The following SHISA9 variants were observed in gnomAD, a reference collection of about 807,000 sequenced individuals.
The protein encoded by SHISA9 is shisa family member 9.
Under a neutral mutation model 38.0 loss-of-function variants are expected in SHISA9, and 13 were observed. That is an observed-to-expected ratio of 0.34 (90% CI 0.22 to 0.54). SHISA9 has a LOEUF of 0.54. Among genes scored for constraint, SHISA9 ranks in the 20% least tolerant of loss-of-function variants. The pLI is 0.91. For synonymous variants in SHISA9, 275 were observed against 242.0 expected, an observed-to-expected ratio of 1.14 and a Z score of -1.27; for missense variants, 538 against 575.8, an observed-to-expected ratio of 0.93 and a Z score of 0.67.
the SHISA9 span, among the ~76,000 whole-genome samples, chr16:13,394,340 A>C: frequency 6.6e-6 from 1 of 152,208 alleles, no homozygotes; most frequent in Non-Finnish European, 1.5e-5. Context: ...GGTCTTTGCT[A>C]TGCAGAATTA....
chr16:12,915,099 A>C (rs2071237180), intron 1 of SHISA9, among the ~76,000 whole-genome samples: 1 of 152,178 alleles, frequency 6.6e-6, no homozygotes. Context: ...ATATCCCCAA[A>C]CACGGCAATT....
At chr16:13,452,587 C>T in the SHISA9 span, among the ~76,000 whole-genome samples, 1 of 152,192 alleles carries the variant, frequency 6.6e-6, no homozygotes, top group Non-Finnish European at 1.5e-5. Flanking sequence ...GTGTTAGTCT[C>T]TGCATCCTCT....
At chr16:13,042,031 C>T (rs1004008687) in intron 2 of SHISA9, among the ~76,000 whole-genome samples, 4 of 152,186 alleles carry the variant, frequency 2.6e-5, no homozygotes, top group Admixed American at 1.3e-4. Context: ...GGGATTGTAG[C>T]AGCTGGCTAA....
At chr16:13,234,988 T>C (rs1368674950) in intron 4 of SHISA9, 42 bp from the exon 5 acceptor site, 17 of 1,453,304 alleles carry the variant, frequency 1.2e-5, no homozygotes, top group African/African-American at 4.4e-5. Flanking sequence ...CTCTCTCTCT[T>C]CTCTTTCTTC....
chr16:13,335,502 G>A, the SHISA9 span, among the ~76,000 whole-genome samples: 1 of 152,136 alleles, frequency 6.6e-6, no homozygotes, highest in Non-Finnish European at 1.5e-5. Context: ...AGAATGAAAA[G>A]GAATATGCTG....
At chr16:13,388,927 T>C in the SHISA9 span, among the ~76,000 whole-genome samples, 2 of 152,138 alleles carry the variant, frequency 1.3e-5, no homozygotes, top group Non-Finnish European at 2.9e-5. Flanking sequence ...ATAGACATTA[T>C]TTTTTGGAGT....
chr16:13,305,101 C>A, the SHISA9 span, among the ~76,000 whole-genome samples: 3 of 152,208 alleles, frequency 2.0e-5, no homozygotes, highest in Non-Finnish European at 2.9e-5. Context: ...AATGAGATAT[C>A]TTGGGGATGG....
intron 2 of SHISA9, among the ~76,000 whole-genome samples, chr16:13,186,209 A>G (rs1018127354): frequency 2.0e-5 from 3 of 151,366 alleles, no homozygotes; most frequent in Admixed American, 2.0e-4. Context: ...CATGTATGTG[A>G]AGCACATTGT....
At chr16:13,418,378 T>C in the SHISA9 span, among the ~76,000 whole-genome samples, 2 of 152,132 alleles carry the variant, frequency 1.3e-5, no homozygotes, top group African/African-American at 4.8e-5. Flanking sequence ...CTGGAGATGG[T>C]TGGAATGGCT....
the SHISA9 span, among the ~76,000 whole-genome samples, chr16:13,412,772 A>C: frequency 6.6e-6 from 1 of 152,160 alleles, no homozygotes; most frequent in Admixed American, 6.5e-5. Context: ...TAGGAGGATC[A>C]CTTTAGCCCG....
At chr16:13,501,335 G>A in the SHISA9 span, among the ~76,000 whole-genome samples, 8 of 152,126 alleles carry the variant, frequency 5.3e-5, no homozygotes, top group Admixed American at 2.6e-4. Flanking sequence ...GAACATATGT[G>A]TGAAAACAGA....
At chr16:13,135,873 G>A (rs1236755700) in intron 2 of SHISA9, among the ~76,000 whole-genome samples, 1 of 152,088 alleles carries the variant, frequency 6.6e-6, no homozygotes, top group Non-Finnish European at 1.5e-5. Flanking sequence ...GTTGCTTAAG[G>A]GTTTTGTGCT....
the SHISA9 span, among the ~76,000 whole-genome samples, chr16:13,528,022 C>T: frequency 6.6e-6 from 1 of 152,172 alleles, no homozygotes; most frequent in Non-Finnish European, 1.5e-5. Flanking sequence ...ACAGGCTTTT[C>T]ATTTGCATAA....
chr16:13,409,511 C>T, the SHISA9 span, among the ~76,000 whole-genome samples: 12 of 152,342 alleles, frequency 7.9e-5, no homozygotes, highest in Admixed American at 2.0e-4. Flanking sequence ...CCTCCTGTAA[C>T]GGATTTGAGC....
At chr16:13,063,095 C>G (rs556518328) in intron 2 of SHISA9, among the ~76,000 whole-genome samples, 4 of 152,178 alleles carry the variant, frequency 2.6e-5, no homozygotes, top group African/African-American at 9.7e-5. Flanking sequence ...CAACCTCAGC[C>G]TCCCGGGATC....
At chr16:13,174,296 G>C (rs553086417) in intron 2 of SHISA9, among the ~76,000 whole-genome samples, 1 of 152,184 alleles carries the variant, frequency 6.6e-6, no homozygotes, top group South Asian at 2.1e-4. Context: ...CTCTGGTCCT[G>C]CCTTATGCTG....
chr16:13,472,630 G>C, the SHISA9 span, among the ~76,000 whole-genome samples: 2 of 151,944 alleles, frequency 1.3e-5, no homozygotes, highest in African/African-American at 2.4e-5. Context: ...CTGACCTCGT[G>C]ATCCGCCCAC....
At chr16:13,495,999 A>G in the SHISA9 span, among the ~76,000 whole-genome samples, 8 of 152,110 alleles carry the variant, frequency 5.3e-5, no homozygotes, top group Non-Finnish European at 1.2e-4. Flanking sequence ...AAAAAATGGG[A>G]CAAAAGCAAT....
At chr16:13,034,962 CCAATTA>C (rs1200211057) in intron 2 of SHISA9, among the ~76,000 whole-genome samples, 5 of 152,110 alleles carry the variant, frequency 3.3e-5, no homozygotes, top group Non-Finnish European at 1.5e-5. Context: ...GACTAAATAA[CCAATTA>C]CAGATTTGGG....
Sources: allele counts gnomAD v4.1 joint callset (sites outside exome capture counted in the v4.1 genomes callset), GRCh38; gene constraint gnomAD v4.1.1; transcripts MANE v1.5; gene names NCBI Gene and HGNC (gene_info 2026-07-23, HGNC 2026-07-21).